KLHL20: variants seen among roughly 807,000 people sequenced by gnomAD.
KLHL20 encodes the protein kelch-like protein 20.
KLHL20 carries 29 observed loss-of-function variants against 69.5 expected under a neutral mutation model. The observed-to-expected ratio is 0.42, with a 90% confidence interval of 0.31 to 0.57. KLHL20 has a LOEUF of 0.57. KLHL20 is among the 20% of genes least tolerant of loss of function. The pLI is 0.18. For synonymous variants in KLHL20, 253 were observed against 265.2 expected (o/e 0.95, Z 0.45); for missense variants, 419 against 776.0 (o/e 0.54, Z 5.47).
At chr1:173,734,573 A>G in intron 3 of KLHL20, 1 of 367,370 alleles carries the variant, frequency 2.7e-6, no homozygotes, top group Non-Finnish European at 5.1e-6. Flanking sequence ...GTAATTCACA[A>G]GAGGATCTAT....
intron 2 of KLHL20, among the ~76,000 whole-genome samples, chr1:173,731,011 A>C (rs926365706): frequency 7.2e-5 from 11 of 152,154 alleles, no homozygotes; most frequent in African/African-American, 2.7e-4. Context: ...AATGAACTCG[A>C]ACAAATTTAC....
At position 173,769,075 on chromosome 1, in the gene KLHL20, G is replaced by C. The variant is rs180772625; in HGVS notation, c.1295+2786G>C. 6.5e-4 allele frequency among the ~76,000 whole-genome samples: 99 copies of C among 152,280 alleles called. 1 individual carries two copies. The highest frequency in any genetic ancestry group is 6.3e-3 in the Admixed American group (96 of 15,288). The stretch of plus-strand genomic sequence containing the variant: ...CAAGACCCTCAATAAGATCTAAAGG[G>C]CTTAGAAGAGGGTTTCTCAACCTCA... On this transcript the variant is annotated intron_variant, in intron 8 of 11. Transcript: ENST00000209884.
chr1:173,786,187 C>G lies in KLHL20; in HGVS notation c.*940C>G, dbSNP rs886319116. ...ATGCTCAGGCCTGGTTAAGCTGAGG[C>G]TTACCTTTAATAACAGCCTCCAAGG... On this transcript the variant is annotated 3_prime_UTR_variant, in exon 12 of 12. Transcript: ENST00000209884. 7 of 152,556 alleles carry G rather than the reference C, an allele frequency of 4.6e-5. No individual in the cohort carries two copies. The highest frequency in any genetic ancestry group is 4.4e-5 in the Non-Finnish European group (3 of 68,020). The allele number at this position is 152,556 out of a possible 1,614,324, so 9.5% of individuals were successfully genotyped here. A position where few individuals can be genotyped will look rare whatever the true frequency, so the allele number is the denominator to read the frequency against.
At chr1:173,722,830 C>T (rs1456448731) in intron 2 of KLHL20, among the ~76,000 whole-genome samples, 2 of 151,902 alleles carry the variant, frequency 1.3e-5, no homozygotes, top group African/African-American at 4.8e-5. Context: ...GCTGGGATTA[C>T]AGGCATGCGC....
chr1:173,740,799 G>A (rs1015403056), intron 3 of KLHL20, among the ~76,000 whole-genome samples: 4 of 151,616 alleles, frequency 2.6e-5, no homozygotes, highest in Admixed American at 6.6e-5. Flanking sequence ...CTTCCGTGTC[G>A]TATCTGCACT....
chr1:173,786,133 A>G lies in KLHL20; in HGVS notation c.*886A>G, dbSNP rs1343858881. The G allele has an allele frequency of 2.0e-5, 3 of 152,516 alleles. No homozygotes were observed. Among genetic ancestry groups the G allele is most frequent in the African/African-American group, 7.2e-5 (3 of 41,462 alleles). The allele number at this position is 152,516 out of a possible 1,614,324, so 9.4% of individuals were successfully genotyped here. A position where few individuals can be genotyped will look rare whatever the true frequency, so the allele number is the denominator to read the frequency against. On this transcript the variant is annotated 3_prime_UTR_variant, in exon 12 of 12. Coordinates refer to ENST00000209884, the MANE Select transcript of KLHL20 (RefSeq NM_014458.4). The stretch of plus-strand genomic sequence containing the variant: ...GCAGGGAGAAATGTCTTCTCCCAGC[A>G]GTGAATTCTGTTATGCAATTTATTC...
intron 11 of KLHL20, 89 bp downstream of exon 11, chr1:173,782,319 G>T: frequency 1.1e-6 from 1 of 948,754 alleles, no homozygotes; most frequent in Non-Finnish European, 1.7e-6. Flanking sequence ...AACTGGGATG[G>T]TCAGTACATT....
intron 2 of KLHL20, among the ~76,000 whole-genome samples, chr1:173,722,753 A>C (rs1671771830): frequency 6.7e-6 from 1 of 150,206 alleles, no homozygotes; most frequent in South Asian, 2.1e-4. Context: ...GCAGTGGCAC[A>C]ATCTTGGTTC....
In KLHL20 at chr1:173,753,287, C is replaced by T. The variant is rs761284415; in HGVS notation, c.831C>T (p.Ile277=). 5 of 1,613,906 alleles carry T rather than the reference C, an allele frequency of 3.1e-6. No homozygotes were observed. The highest frequency in any genetic ancestry group is 1.7e-5 in the Admixed American group (1 of 60,018). ...GCACAGTAGGCTCTGATCCCCTCATCAAAAGTGATGAAGAATGCAGGTATG... is the reference window on the plus strand; with the variant it reads ...GCACAGTAGGCTCTGATCCCCTCATTAAAAGTGATGAAGAATGCAGGTATG... The part of the protein sequence containing the change: ...LVGTVGSDPL[I]KSDEECRDLV... The change falls in exon 5 of 12, where the codon ATC becomes ATT. Residue 277 remains isoleucine, a synonymous_variant. Transcript: ENST00000209884.
chr1:173,772,730 C>T (rs1215294788), intron 8 of KLHL20, among the ~76,000 whole-genome samples: 1 of 152,144 alleles, frequency 6.6e-6, no homozygotes, highest in Non-Finnish European at 1.5e-5. Context: ...TAAACAGCTG[C>T]TAACATACCA....
At chr1:173,725,132 G>T (rs549918177) in intron 2 of KLHL20, among the ~76,000 whole-genome samples, 2 of 151,240 alleles carry the variant, frequency 1.3e-5, no homozygotes, top group Non-Finnish European at 2.9e-5. Context: ...AAAAATAGTT[G>T]TACAGAAATT....
intron 3 of KLHL20, among the ~76,000 whole-genome samples, chr1:173,736,262 G>C (rs553723950): frequency 2.0e-5 from 3 of 151,684 alleles, no homozygotes; most frequent in Admixed American, 2.0e-4. Flanking sequence ...CCAATATATT[G>C]TTCCTTTTTA....
intron 8 of KLHL20, among the ~76,000 whole-genome samples, chr1:173,770,406 A>G (rs1215991410): frequency 6.6e-6 from 1 of 152,150 alleles, no homozygotes; most frequent in Non-Finnish European, 1.5e-5. Context: ...TAAGGTCAAA[A>G]AGAAATGAAG....
intron 3 of KLHL20, chr1:173,742,010 G>A (rs552044169): frequency 1.9e-6 from 1 of 535,764 alleles, no homozygotes; most frequent in South Asian, 3.0e-5. Flanking sequence ...TTGTATCATA[G>A]ACGACATTAA....
chr1:173,740,425 T>A (rs948728744), intron 3 of KLHL20, among the ~76,000 whole-genome samples: 1 of 152,046 alleles, frequency 6.6e-6, no homozygotes, highest in African/African-American at 2.4e-5. Flanking sequence ...TTTCTTTTCT[T>A]CTGCTGGGTT....
chr1:173,764,602 A>G (rs1214645153), intron 7 of KLHL20, among the ~76,000 whole-genome samples: 3 of 152,228 alleles, frequency 2.0e-5, no homozygotes, highest in African/African-American at 7.2e-5. Context: ...AGAGACTATT[A>G]TTCTAAGCGA....
intron 3 of KLHL20, among the ~76,000 whole-genome samples, chr1:173,751,333 G>A (rs1673302435): frequency 6.6e-6 from 1 of 152,006 alleles, no homozygotes; most frequent in African/African-American, 2.4e-5. Context: ...ATTCATTCTT[G>A]TTTACAGAAT....
intron 5 of KLHL20, among the ~76,000 whole-genome samples, chr1:173,755,090 C>T (rs745547436): frequency 1.2e-4 from 17 of 142,094 alleles, no homozygotes; most frequent in East Asian, 4.1e-4. Flanking sequence ...GACGGAGTCT[C>T]GCTCTGTTGC....
At chr1:173,732,042 G>A (rs1345395025) in intron 2 of KLHL20, among the ~76,000 whole-genome samples, 2 of 151,624 alleles carry the variant, frequency 1.3e-5, no homozygotes, top group Admixed American at 6.6e-5. Flanking sequence ...CTAAAAATAC[G>A]AAAAATTAGC....
Sources: gnomAD v4.1 joint callset for allele counts (sites outside exome capture counted in the v4.1 genomes callset) on GRCh38, gnomAD v4.1.1 for gene constraint, MANE v1.5 for transcripts, NCBI Gene and HGNC (gene_info 2026-07-23, HGNC 2026-07-21) for gene names.